Variants in NLGN1 observed in about 807,000 individuals in gnomAD.
NLGN1 encodes neuroligin-1.
A neutral mutation model predicts 65.5 loss-of-function variants in NLGN1; 12 were observed. The ratio of observed to expected loss-of-function variants is 0.18; its 90% CI spans 0.12 to 0.30. NLGN1 has a LOEUF of 0.30. NLGN1 is among the 10% of genes least tolerant of loss of function. The pLI, the probability that NLGN1 is intolerant of heterozygous loss-of-function variation, is 1.00. For synonymous variants in NLGN1, 350 were observed against 359.5 expected (o/e 0.97, Z 0.30); for missense variants, 750 against 1,007.1 (o/e 0.74, Z 3.46).
chr3:173,962,380 T>C (rs553325665), intron 4 of NLGN1, among the ~76,000 whole-genome samples: 1 of 152,250 alleles, frequency 6.6e-6, no homozygotes, highest in East Asian at 1.9e-4. Flanking sequence ...TACTCTCTCT[T>C]TTATAATATA....
At chr3:174,000,951 G>A (rs993629252) in intron 4 of NLGN1, among the ~76,000 whole-genome samples, 1 of 152,134 alleles carries the variant, frequency 6.6e-6, no homozygotes, top group Non-Finnish European at 1.5e-5. Context: ...CGGGAGCCCA[G>A]TCAAGGACTC....
intron 4 of NLGN1, among the ~76,000 whole-genome samples, chr3:174,001,978 A>G (rs1723382893): frequency 1.3e-5 from 2 of 152,108 alleles, no homozygotes; most frequent in African/African-American, 4.8e-5. Context: ...GACATGGATA[A>G]AAAGATGCCA....
intron 4 of NLGN1, among the ~76,000 whole-genome samples, chr3:173,954,572 G>T (rs760626109): frequency 2.0e-5 from 3 of 151,986 alleles, no homozygotes; most frequent in Non-Finnish European, 4.4e-5. Context: ...CACTTCTTGA[G>T]TTGCTTCTTC....
At chr3:174,083,523 G>T (rs1198976493) in intron 4 of NLGN1, among the ~76,000 whole-genome samples, 1 of 151,972 alleles carries the variant, frequency 6.6e-6, no homozygotes, top group Non-Finnish European at 1.5e-5. Flanking sequence ...TGAATTCCTG[G>T]AATTTAATTT....
chr3:173,639,198 C>A (rs1288903618), intron 3 of NLGN1, among the ~76,000 whole-genome samples: 1 of 152,194 alleles, frequency 6.6e-6, no homozygotes, highest in Non-Finnish European at 1.5e-5. Flanking sequence ...AAACAATTTT[C>A]CTGGCCTGCA....
chr3:173,791,120 G>A (rs537923986), intron 3 of NLGN1, among the ~76,000 whole-genome samples: 14 of 152,280 alleles, frequency 9.2e-5, no homozygotes, highest in Non-Finnish European at 1.5e-4. Context: ...TACTGTGACT[G>A]GGTGTGGTAG....
chr3:173,447,104 A>C (rs1577512175), intron 2 of NLGN1, among the ~76,000 whole-genome samples: 1 of 152,212 alleles, frequency 6.6e-6, no homozygotes, highest in East Asian at 1.9e-4. Flanking sequence ...TTTTGTTGCC[A>C]TTGCTTTTGG....
intron 3 of NLGN1, among the ~76,000 whole-genome samples, chr3:173,677,310 A>G (rs1229512249): frequency 6.6e-6 from 1 of 152,030 alleles, no homozygotes. Context: ...GCTTGGAACT[A>G]TGTGCTAGAA....
chr3:174,221,945 G>C (rs1738748316), intron 4 of NLGN1, among the ~76,000 whole-genome samples: 1 of 151,930 alleles, frequency 6.6e-6, no homozygotes, highest in South Asian at 2.1e-4. Flanking sequence ...AAAGACATCT[G>C]TCATTAGATT....
At chr3:173,420,149 A>G (rs1714750916) in intron 1 of NLGN1, among the ~76,000 whole-genome samples, 1 of 151,380 alleles carries the variant, frequency 6.6e-6, no homozygotes, top group Non-Finnish European at 1.5e-5. Context: ...ATATGTATAC[A>G]TGTGCCATGT....
intron 4 of NLGN1, among the ~76,000 whole-genome samples, chr3:174,004,135 A>G (rs1723880661): frequency 6.6e-6 from 1 of 152,154 alleles, no homozygotes; most frequent in Admixed American, 6.6e-5. Flanking sequence ...GATCACTTCC[A>G]GTGATCTGGA....
At chr3:173,543,690 G>A (rs1360652402) in intron 2 of NLGN1, among the ~76,000 whole-genome samples, 2 of 152,098 alleles carry the variant, frequency 1.3e-5, no homozygotes, top group East Asian at 3.9e-4. Context: ...CTATAGGATT[G>A]ATAATGATTC....
chr3:174,066,275 A>G (rs1738530768), intron 4 of NLGN1, among the ~76,000 whole-genome samples: 1 of 152,114 alleles, frequency 6.6e-6, no homozygotes, highest in Non-Finnish European at 1.5e-5. Flanking sequence ...AGATAATCTA[A>G]TAACTAAAGT....
At chr3:173,558,400 C>G (rs1265721045) in intron 2 of NLGN1, among the ~76,000 whole-genome samples, 1 of 151,776 alleles carries the variant, frequency 6.6e-6, no homozygotes, top group African/African-American at 2.4e-5. Context: ...TCCTCATTTG[C>G]CCCCCCAACC....
rs1215547745 is a variant in NLGN1 at position 174,188,753 on chromosome 3, G to A, written c.647-86562G>A. On this transcript the variant is annotated intron_variant, in intron 4 of 6. Coordinates refer to ENST00000457714, the Ensembl canonical transcript of NLGN1. ...ATTTATCCTCAAAATAACACTAGAAGAATATAGGTTTTGATATTCTATTTT... is the reference window on the plus strand; with the variant it reads ...ATTTATCCTCAAAATAACACTAGAAAAATATAGGTTTTGATATTCTATTTT... Among the ~76,000 whole-genome samples the A allele has an allele frequency of 2.0e-5, 3 of 151,822 alleles. No individual in the cohort carries two copies. The South Asian group carries it at 6.2e-4, about 32-fold the overall frequency.
intron 2 of NLGN1, among the ~76,000 whole-genome samples, chr3:173,555,454 TC>T (rs1741553925): frequency 6.6e-6 from 1 of 152,168 alleles, no homozygotes; most frequent in African/African-American, 2.4e-5. Context: ...TCTTACATGT[TC>T]CTTCTCAACC....
At chr3:173,600,933 C>T (rs1210677123) in intron 2 of NLGN1, among the ~76,000 whole-genome samples, 1 of 151,886 alleles carries the variant, frequency 6.6e-6, no homozygotes, top group African/African-American at 2.4e-5. Flanking sequence ...CTGAGTTTCT[C>T]AGAAACAAAC....
chr3:174,028,656 GT>G (rs1304449053), intron 4 of NLGN1, among the ~76,000 whole-genome samples: 6 of 152,186 alleles, frequency 3.9e-5, no homozygotes, highest in Non-Finnish European at 7.4e-5. Flanking sequence ...GCGTATAAAA[GT>G]TGGGAACATT....
intron 4 of NLGN1, among the ~76,000 whole-genome samples, chr3:174,203,354 G>A (rs1056016544): frequency 6.6e-6 from 1 of 152,224 alleles, no homozygotes; most frequent in African/African-American, 2.4e-5. Context: ...TTCGTGCACA[G>A]AGGAAGTATT....
Sources: allele counts gnomAD v4.1 joint callset (sites outside exome capture counted in the v4.1 genomes callset), GRCh38; gene constraint gnomAD v4.1.1; transcripts MANE v1.5; gene names NCBI Gene and HGNC (gene_info 2026-07-23, HGNC 2026-07-21).